The following ATXN1 variants were observed in gnomAD, a reference collection of about 807,000 sequenced individuals.
ATXN1 encodes ataxin-1.
ATXN1 carries 8 observed loss-of-function variants against 56.4 expected under a neutral mutation model. The observed-to-expected ratio is 0.14, with a 90% CI of 0.08 to 0.26. The LOEUF is 0.26. Among genes scored for constraint, ATXN1 ranks in the 10% least tolerant of loss-of-function variants. ATXN1 has a pLI of 1.00. For missense variants in ATXN1, 987 were observed against 1,106.5 expected (o/e 0.89, Z 1.53); for synonymous variants, 514 against 494.6 (o/e 1.04, Z -0.52).
At chr6:16,740,361 T>C (rs1760295415) in intron 2 of ATXN1, among the ~76,000 whole-genome samples, 1 of 152,204 alleles carries the variant, frequency 6.6e-6, no homozygotes, top group African/African-American at 2.4e-5. Context: ...AGAATAAAGC[T>C]GATTCACAGG....
At chr6:16,730,039 T>C (rs937969036) in intron 2 of ATXN1, among the ~76,000 whole-genome samples, 1 of 152,184 alleles carries the variant, frequency 6.6e-6, no homozygotes, top group Admixed American at 6.5e-5. Flanking sequence ...TCCCAGCAAT[T>C]TGGGAGGCTG....
chr6:16,346,200 C>G (rs549092663), intron 6 of ATXN1, among the ~76,000 whole-genome samples: 1 of 152,122 alleles, frequency 6.6e-6, no homozygotes, highest in Non-Finnish European at 1.5e-5. Context: ...GGATTACAGG[C>G]GCCTGCCACC....
rs931584958 is a variant in ATXN1 at position 16,396,499 on chromosome 6, T to C, written c.-160-68029A>G. 2.6e-5 allele frequency among the ~76,000 whole-genome samples: 4 copies of C among 152,250 alleles called. No homozygotes were observed. The East Asian group carries it at 5.8e-4, about 22-fold the overall frequency. On this transcript the variant is annotated intron_variant, in intron 6 of 7. Coordinates refer to ENST00000436367, the MANE Select transcript of ATXN1 (RefSeq NM_001128164.2). ...AAATGTGTTTGTATTTTAAACTGAG[T>C]GCTATTATGAAAGTTATCAAAAAGT...
chr6:16,349,322 G>A (rs1761517737), intron 6 of ATXN1, among the ~76,000 whole-genome samples: 1 of 151,940 alleles, frequency 6.6e-6, no homozygotes, highest in Non-Finnish European at 1.5e-5. Flanking sequence ...GGCCAACATG[G>A]TGACATCTTG....
chr6:16,395,288 AAAACAAGAAC>A (rs1758431555), intron 6 of ATXN1, among the ~76,000 whole-genome samples: 2 of 150,954 alleles, frequency 1.3e-5, no homozygotes, highest in African/African-American at 4.9e-5. Flanking sequence ...AAAAAAAAAA[AAAACAAGAAC>A]AAAAACAAAA....
At chr6:16,462,790 C>T (rs556955030) in intron 6 of ATXN1, among the ~76,000 whole-genome samples, 31 of 152,220 alleles carry the variant, frequency 2.0e-4, no homozygotes, top group Middle Eastern at 3.4e-3. Flanking sequence ...AGTGTAATTA[C>T]ACTCTCCAAC....
At chr6:16,716,906 C>T (rs543631144) in intron 2 of ATXN1, among the ~76,000 whole-genome samples, 8 of 152,272 alleles carry the variant, frequency 5.3e-5, no homozygotes, top group East Asian at 1.9e-4. Flanking sequence ...ATACAGTTCA[C>T]GAGATGTCCA....
At chr6:16,620,676 C>G (rs1763304462) in intron 3 of ATXN1, among the ~76,000 whole-genome samples, 1 of 152,168 alleles carries the variant, frequency 6.6e-6, no homozygotes, top group East Asian at 1.9e-4. Context: ...CATCAGTTGG[C>G]CCATATATGC....
At chr6:16,615,960 G>C (rs977236110) in intron 3 of ATXN1, 15 of 152,020 alleles carry the variant, frequency 9.9e-5, no homozygotes, top group African/African-American at 3.6e-4. Flanking sequence ...TTGAGCCTGG[G>C]AGGCAGAGGT....
At chr6:16,557,326 C>T (rs1052785728) in intron 4 of ATXN1, among the ~76,000 whole-genome samples, 1 of 87,752 alleles carries the variant, frequency 1.1e-5, no homozygotes, top group Non-Finnish European at 2.4e-5. Flanking sequence ...AACCCCATTT[C>T]AAAAAAAAAA....
In ATXN1 at chr6:16,629,529, C is replaced by A. The variant is rs576999690; in HGVS notation, c.-489+28247G>T. On this transcript the variant is annotated intron_variant, in intron 3 of 7. Transcript: ENST00000436367. ...ATTTTTTAGTAGAGATGGGGTTTCA[C>A]CATGTTTGCAAGGCTGGTCTCTAAC... Among the ~76,000 whole-genome samples the A allele has an allele frequency of 7.4e-4, 112 of 152,232 alleles. 1 individual carries two copies. Among genetic ancestry groups the A allele is most frequent in the African/African-American group, 2.6e-3 (110 of 41,528 alleles).
At chr6:16,689,510 C>CTTTTTT (rs371753662) in intron 2 of ATXN1, among the ~76,000 whole-genome samples, 17 of 126,926 alleles carry the variant, frequency 1.3e-4, no homozygotes, top group African/African-American at 3.7e-4. Flanking sequence ...CTTTTTTTTT[C>CTTTTTT]TTTTTTTTTT....
chr6:16,671,271 A>T (rs1384458789), intron 2 of ATXN1, among the ~76,000 whole-genome samples: 1 of 151,044 alleles, frequency 6.6e-6, no homozygotes, highest in Non-Finnish European at 1.5e-5. Flanking sequence ...TCCAGCAGGG[A>T]GGAAAGCATG....
intron 2 of ATXN1, among the ~76,000 whole-genome samples, chr6:16,723,125 A>G (rs1385650452): frequency 6.6e-6 from 1 of 152,222 alleles, no homozygotes; most frequent in Non-Finnish European, 1.5e-5. Context: ...GAATTCTACT[A>G]AGGATTAAAA....
chr6:16,577,820 T>A (rs1409609306), intron 4 of ATXN1, among the ~76,000 whole-genome samples: 1 of 152,232 alleles, frequency 6.6e-6, no homozygotes, highest in East Asian at 1.9e-4. Context: ...ATAGCATATG[T>A]AGAGGGCTCT....
chr6:16,609,207 C>CGCT lies in ATXN1; in HGVS notation c.-488-23303_-488-23301dup, dbSNP rs774427805. On this transcript the variant is annotated intron_variant, in intron 3 of 7. Coordinates refer to ENST00000436367, the MANE Select transcript of ATXN1 (RefSeq NM_001128164.2). ...AGAAATCTTCCTAAAATGGACTGAA[C>CGCT]GCTGGAGGTGAGAGCAGGCTAGCAA... 2.0e-5 allele frequency among the ~76,000 whole-genome samples: 3 copies of CGCT among 152,284 alleles called. No homozygotes were observed. In the South Asian group the frequency reaches 6.2e-4, roughly 32 times the overall value.
At chr6:16,423,242 C>G (rs1759072258) in intron 6 of ATXN1, among the ~76,000 whole-genome samples, 1 of 152,136 alleles carries the variant, frequency 6.6e-6, no homozygotes, top group South Asian at 2.1e-4. Flanking sequence ...TCACTTTGTT[C>G]CCATCCTCAC....
At chr6:16,488,800 CA>C (rs1760600730) in intron 5 of ATXN1, among the ~76,000 whole-genome samples, 2 of 152,116 alleles carry the variant, frequency 1.3e-5, no homozygotes, top group African/African-American at 4.8e-5. Flanking sequence ...GCTTCTTATA[CA>C]AACAAAAATA....
chr6:16,625,619 C>T (rs184837425), intron 3 of ATXN1, among the ~76,000 whole-genome samples: 89 of 152,024 alleles, frequency 5.9e-4, no homozygotes, highest in Non-Finnish European at 8.4e-4. Context: ...ATGCCAGGCA[C>T]GATGCCAGAC....
Sources: allele counts gnomAD v4.1 joint callset (sites outside exome capture counted in the v4.1 genomes callset), GRCh38; gene constraint gnomAD v4.1.1; transcripts MANE v1.5; gene names NCBI Gene and HGNC (gene_info 2026-07-23, HGNC 2026-07-21).